Variants in ANKFN1 observed in about 807,000 individuals in gnomAD.
The protein encoded by ANKFN1 is ankyrin repeat and fibronectin type-III domain-containing protein 1.
In ANKFN1, 74 loss-of-function variants were observed where a neutral mutation model predicts 108.7. The observed-to-expected ratio is 0.68, with a 90% CI of 0.56 to 0.83. The LOEUF is 0.83. Among genes scored for constraint, ANKFN1 ranks in the 40% least tolerant of loss-of-function variants. The pLI, the probability that ANKFN1 is intolerant of heterozygous loss-of-function variation, is 0.00. For synonymous variants in ANKFN1, 547 were observed against 516.2 expected (o/e 1.06, Z -0.81); for missense variants, 1,505 against 1,382.3 (o/e 1.09, Z -1.41).
At chr17:56,439,321 A>G (rs1015222919) in intron 8 of ANKFN1, among the ~76,000 whole-genome samples, 3 of 152,156 alleles carry the variant, frequency 2.0e-5, no homozygotes, top group Non-Finnish European at 2.9e-5. Flanking sequence ...CTTGCTTCCC[A>G]TGGGATTTAA....
intron 10 of ANKFN1, among the ~76,000 whole-genome samples, chr17:56,443,345 G>A (rs747460972): frequency 6.6e-6 from 1 of 152,126 alleles, no homozygotes; most frequent in Non-Finnish European, 1.5e-5. Context: ...CAGCCTGGGT[G>A]ACAGACTGAG....
intron 2 of ANKFN1, among the ~76,000 whole-genome samples, chr17:56,213,382 C>T (rs978108869): frequency 7.9e-5 from 12 of 152,116 alleles, no homozygotes; most frequent in Admixed American, 1.3e-4. Flanking sequence ...ACATGGCCCA[C>T]GCTGGATGCC....
Position 56,147,290 on chromosome 17 carries a change from C to T in ANKFN1, c.289-80627C>T, listed in dbSNP as rs1018523278. On this transcript the variant is annotated intron_variant, in intron 4 of 12. Coordinates refer to the ANKFN1 transcript ENST00000635860. ...TGCCTGTTACCCAGTTCCAAAGTCC[C>T]TTCCACATTTTTGGGTATCCTTATA... is the stretch of plus-strand genomic sequence containing the variant. Among the ~76,000 whole-genome samples, 3 of 152,216 alleles carry T rather than the reference C, an allele frequency of 2.0e-5. No homozygotes were observed. The East Asian group carries it at 5.8e-4, about 29-fold the overall frequency.
At chr17:56,301,723 C>T (rs2044676198) in intron 3 of ANKFN1, among the ~76,000 whole-genome samples, 1 of 152,186 alleles carries the variant, frequency 6.6e-6, no homozygotes, top group Admixed American at 6.5e-5. Context: ...AAACTCTGAA[C>T]CTGAATGGCT....
chr17:56,221,253 C>T (rs1224306428), intron 2 of ANKFN1, among the ~76,000 whole-genome samples: 1 of 147,598 alleles, frequency 6.8e-6, no homozygotes, highest in Non-Finnish European at 1.5e-5. Context: ...GATCCAGTCA[C>T]CTCCCACCAG....
intron 4 of ANKFN1, among the ~76,000 whole-genome samples, chr17:56,064,413 C>T (rs1016383899): frequency 6.6e-6 from 1 of 152,216 alleles, no homozygotes; most frequent in African/African-American, 2.4e-5. Context: ...TGGGTTCTGT[C>T]CCTGAGCCTC....
intron 14 of ANKFN1, 124 bp downstream of exon 14, chr17:56,458,103 T>A (rs966681468): frequency 3.9e-6 from 3 of 774,384 alleles, no homozygotes; most frequent in Non-Finnish European, 6.1e-6. Context: ...CCTAAGAATA[T>A]GAAGTTTTCT....
chr17:56,094,854 T>C (rs890820745), intron 4 of ANKFN1, among the ~76,000 whole-genome samples: 1 of 150,746 alleles, frequency 6.6e-6, no homozygotes, highest in Non-Finnish European at 1.5e-5. Flanking sequence ...AATATGATTA[T>C]TGTGAGGACT....
At position 56,488,490 on chromosome 17, in the gene ANKFN1, A is replaced by G. The variant is rs568913120; in HGVS notation, c.2261-3697A>G. Among the ~76,000 whole-genome samples, 5 of 152,344 alleles carry G rather than the reference A, an allele frequency of 3.3e-5. No homozygotes were observed. In the South Asian group the frequency reaches 1.0e-3, roughly 32 times the overall value. ...AGTGATGGTGAGGTCAGTATGACAA[A>G]TGATGAGTTTTGAGGAACCTATGGA... On this transcript the variant is annotated intron_variant, in intron 18 of 20. Coordinates refer to ENST00000682825, the MANE Select transcript of ANKFN1 (RefSeq NM_001370326.1).
At chr17:56,213,283 A>G (rs1915164228) in intron 2 of ANKFN1, among the ~76,000 whole-genome samples, 2 of 152,316 alleles carry the variant, frequency 1.3e-5, no homozygotes, top group East Asian at 3.9e-4. Flanking sequence ...CCAAGACAGC[A>G]GGCCCCTGAC....
intron 8 of ANKFN1, among the ~76,000 whole-genome samples, chr17:56,433,046 C>T (rs2048810782): frequency 6.6e-6 from 1 of 152,152 alleles, no homozygotes. Flanking sequence ...TATAATCACA[C>T]AGACATATAT....
At chr17:56,054,128 T>C (rs983931672) in intron 4 of ANKFN1, among the ~76,000 whole-genome samples, 4 of 152,184 alleles carry the variant, frequency 2.6e-5, no homozygotes, top group African/African-American at 9.7e-5. Flanking sequence ...GGTGGGAATG[T>C]AAATTAGTAC....
intron 13 of ANKFN1, 22 bp from the exon 14 acceptor site, chr17:56,457,841 G>A: frequency 6.3e-7 from 1 of 1,574,976 alleles, no homozygotes; most frequent in Non-Finnish European, 8.7e-7. Flanking sequence ...ACGATGACAT[G>A]ATTGCATGCC....
intron 3 of ANKFN1, among the ~76,000 whole-genome samples, chr17:56,273,639 T>G (rs1054754108): frequency 1.7e-4 from 26 of 152,082 alleles, no homozygotes; most frequent in African/African-American, 5.8e-4. Flanking sequence ...ATAAAGAATA[T>G]TACTGAAAGG....
chr17:56,139,959 A>G (rs186807313), intron 4 of ANKFN1, among the ~76,000 whole-genome samples: 3 of 152,208 alleles, frequency 2.0e-5, no homozygotes, highest in East Asian at 1.9e-4. Flanking sequence ...CTGCTCTTCT[A>G]TCCCTTGGAG....
At chr17:56,222,430 A>T (rs987940308) in intron 2 of ANKFN1, among the ~76,000 whole-genome samples, 3 of 152,182 alleles carry the variant, frequency 2.0e-5, no homozygotes, top group Non-Finnish European at 4.4e-5. Context: ...GAGGAGAAAA[A>T]ATGCACAAGG....
At chr17:56,195,716 C>A (rs1444520091) in intron 1 of ANKFN1, among the ~76,000 whole-genome samples, 1 of 152,194 alleles carries the variant, frequency 6.6e-6, no homozygotes, top group East Asian at 1.9e-4. Context: ...GGGCAAATGA[C>A]TTAAAGTATC....
rs1351124931 is a variant in ANKFN1, at chr17:56,359,450, C to CT, written c.601+5407dup. 2.6e-5 allele frequency among the ~76,000 whole-genome samples: 4 copies of CT among 152,260 alleles called. No homozygotes were observed. In the East Asian group the frequency reaches 7.7e-4, roughly 29 times the overall value. On this transcript the variant is annotated intron_variant, in intron 6 of 20. Coordinates refer to ENST00000682825, the MANE Select transcript of ANKFN1 (RefSeq NM_001370326.1). ...TGGTGGAATACCTCTCTGTTTCAGTCTTTCTGCCCTTTCCCTTAGCTACAT... is the reference window on the plus strand; with the variant it reads ...TGGTGGAATACCTCTCTGTTTCAGTCTTTTCTGCCCTTTCCCTTAGCTACAT...
intron 6 of ANKFN1, among the ~76,000 whole-genome samples, chr17:56,356,698 C>T (rs1215913435): frequency 6.6e-6 from 1 of 152,188 alleles, no homozygotes; most frequent in Non-Finnish European, 1.5e-5. Context: ...ATTGAAATGG[C>T]ATCTTTGCTG....
Sources: allele counts gnomAD v4.1 joint callset (sites outside exome capture counted in the v4.1 genomes callset), GRCh38; gene constraint gnomAD v4.1.1; transcripts MANE v1.5; gene names NCBI Gene and HGNC (gene_info 2026-07-23, HGNC 2026-07-21).